The following NRCAM variants were observed in gnomAD, a reference collection of about 807,000 sequenced individuals.
NRCAM encodes the protein neuronal cell adhesion molecule.
Under a neutral mutation model 156.5 loss-of-function variants are expected in NRCAM, and 83 were observed. That is an observed-to-expected ratio of 0.53 (90% CI 0.44 to 0.64). The LOEUF is 0.64. Among genes scored for constraint, NRCAM ranks in the 30% least tolerant of loss-of-function variants. The pLI is 0.00. For synonymous variants in NRCAM, 538 were observed against 563.9 expected, an observed-to-expected ratio of 0.95 and a Z score of 0.65; for missense variants, 1,417 against 1,597.3, an observed-to-expected ratio of 0.89 and a Z score of 1.92.
At chr7:108,364,691 T>C (rs1157826079) in intron 2 of NRCAM, among the ~76,000 whole-genome samples, 7 of 151,420 alleles carry the variant, frequency 4.6e-5, no homozygotes, top group African/African-American at 1.7e-4. Flanking sequence ...GCTGCCACTT[T>C]ACAACATGGA....
chr7:108,266,761 T>C (rs902740422), intron 3 of NRCAM, among the ~76,000 whole-genome samples: 6 of 152,192 alleles, frequency 3.9e-5, no homozygotes, highest in African/African-American at 1.4e-4. Context: ...ATCTGATCCA[T>C]ACGCCACACT....
chr7:108,385,451 T>G (rs941483987), intron 2 of NRCAM, among the ~76,000 whole-genome samples: 8 of 152,230 alleles, frequency 5.3e-5, no homozygotes, highest in African/African-American at 1.9e-4. Flanking sequence ...AAGAAAAGCA[T>G]GCATTTTGAG....
intron 24 of NRCAM, among the ~76,000 whole-genome samples, chr7:108,181,516 T>G (rs2063462309): frequency 6.6e-6 from 1 of 152,090 alleles, no homozygotes; most frequent in African/African-American, 2.4e-5. Context: ...CTAGCTAGAG[T>G]TGGTAATATT....
chr7:108,413,408 T>C (rs1797783261), intron 1 of NRCAM, among the ~76,000 whole-genome samples: 1 of 152,226 alleles, frequency 6.6e-6, no homozygotes, highest in African/African-American at 2.4e-5. Flanking sequence ...TTTCAGTTCC[T>C]TATATATTTT....
At chr7:108,283,683 G>A (rs771493610) in intron 3 of NRCAM, among the ~76,000 whole-genome samples, 2 of 152,182 alleles carry the variant, frequency 1.3e-5, no homozygotes, top group African/African-American at 2.4e-5. Flanking sequence ...CTTTTCTGCA[G>A]TGTGTGGCAC....
At chr7:108,372,406 T>C (rs2099634360) in intron 2 of NRCAM, among the ~76,000 whole-genome samples, 1 of 151,966 alleles carries the variant, frequency 6.6e-6, no homozygotes, top group Admixed American at 6.6e-5. Flanking sequence ...AAATTATCAA[T>C]AGAGTTAAAG....
At chr7:108,163,018 T>C (rs1275103553) in intron 30 of NRCAM, among the ~76,000 whole-genome samples, 1 of 151,864 alleles carries the variant, frequency 6.6e-6, no homozygotes. Flanking sequence ...TACACACACA[T>C]GCGCATACAC....
chr7:108,350,369 C>G (rs1004823567), intron 2 of NRCAM, among the ~76,000 whole-genome samples: 14 of 152,184 alleles, frequency 9.2e-5, no homozygotes, highest in Non-Finnish European at 2.9e-5. Context: ...TGACTCTTTA[C>G]TCATCAGGTT....
chr7:108,316,991 C>T (rs1383109067), intron 2 of NRCAM, among the ~76,000 whole-genome samples: 5 of 152,126 alleles, frequency 3.3e-5, no homozygotes, highest in South Asian at 2.1e-4. Context: ...CTTCTTTGTT[C>T]AGATGTTTAA....
chr7:108,434,183 C>T (rs1409857022), intron 1 of NRCAM, among the ~76,000 whole-genome samples: 2 of 152,138 alleles, frequency 1.3e-5, no homozygotes, highest in African/African-American at 2.4e-5. Flanking sequence ...TCCCACAACC[C>T]CCATCCCCGG....
At chr7:108,419,219 C>T (rs995373729) in intron 1 of NRCAM, among the ~76,000 whole-genome samples, 1 of 152,156 alleles carries the variant, frequency 6.6e-6, no homozygotes, top group South Asian at 2.1e-4. Flanking sequence ...TCTCATCTGG[C>T]AGTTAATTTC....
At chr7:108,325,765 C>T (rs1404711415) in intron 2 of NRCAM, among the ~76,000 whole-genome samples, 1 of 151,994 alleles carries the variant, frequency 6.6e-6, no homozygotes, top group East Asian at 1.9e-4. Flanking sequence ...GTGCCTAGAA[C>T]AATGCCTAAA....
At chr7:108,386,488 T>C (rs2099741263) in intron 2 of NRCAM, among the ~76,000 whole-genome samples, 1 of 152,160 alleles carries the variant, frequency 6.6e-6, no homozygotes. Flanking sequence ...AGTGATCTAA[T>C]ACTTGTATTT....
At chr7:108,356,752 C>T (rs1274247010) in intron 2 of NRCAM, among the ~76,000 whole-genome samples, 1 of 152,146 alleles carries the variant, frequency 6.6e-6, no homozygotes, top group Non-Finnish European at 1.5e-5. Flanking sequence ...AGTCAGAAGA[C>T]AATTTTAGCA....
intron 3 of NRCAM, among the ~76,000 whole-genome samples, chr7:108,268,919 C>T (rs2097223861): frequency 6.6e-6 from 1 of 152,202 alleles, no homozygotes; most frequent in Admixed American, 6.5e-5. Flanking sequence ...CAAATATTAA[C>T]TTCTTTTAAT....
chr7:108,216,366 T>C lies in NRCAM; in HGVS notation c.891-6761A>G, dbSNP rs10252718. Among the ~76,000 whole-genome samples the C allele has an allele frequency of 5.6e-3, 847 of 152,334 alleles. 8 individuals are homozygous for C. Among genetic ancestry groups the C allele is most frequent in the African/African-American group, 0.019 (803 of 41,564 alleles). On this transcript the variant is annotated intron_variant, in intron 11 of 32. Coordinates refer to ENST00000379028, the MANE Select transcript of NRCAM (RefSeq NM_001037132.4). ...AACATTTTTTCCTTCATTGCAACCT[T>C]GGTGAATCTGATGATTATTTGTCTT...
intron 2 of NRCAM, among the ~76,000 whole-genome samples, chr7:108,357,110 T>C (rs961505622): frequency 6.6e-6 from 1 of 152,168 alleles, no homozygotes; most frequent in South Asian, 2.1e-4. Flanking sequence ...TCTATGATAT[T>C]CTATTATAGT....
chr7:108,412,022 GATT>G (rs941096608), intron 1 of NRCAM, among the ~76,000 whole-genome samples: 1 of 152,064 alleles, frequency 6.6e-6, no homozygotes, highest in African/African-American at 2.4e-5. Context: ...TTGGTTCAAT[GATT>G]ATTTACAATT....
At chr7:108,431,973 A>C (rs751122627) in intron 1 of NRCAM, among the ~76,000 whole-genome samples, 1 of 152,204 alleles carries the variant, frequency 6.6e-6, no homozygotes, top group Non-Finnish European at 1.5e-5. Flanking sequence ...TCTTTGCCCA[A>C]CCTGTCAAAG....
Sources: gnomAD v4.1 joint callset for allele counts (sites outside exome capture counted in the v4.1 genomes callset) on GRCh38, gnomAD v4.1.1 for gene constraint, MANE v1.5 for transcripts, NCBI Gene and HGNC (gene_info 2026-07-23, HGNC 2026-07-21) for gene names.